Variants in HAUS3 observed in about 807,000 individuals in gnomAD.
HAUS3 encodes the protein HAUS augmin-like complex subunit 3.
Under a neutral mutation model 55.2 loss-of-function variants are expected in HAUS3, and 36 were observed. That is an observed-to-expected ratio of 0.65 (90% CI 0.50 to 0.86). HAUS3 has a LOEUF of 0.86. Ranked by LOEUF, HAUS3 falls within the 40% of genes least tolerant of loss-of-function variation. The pLI is 0.00. For missense variants in HAUS3, 752 were observed against 671.5 expected (o/e 1.12, Z -1.33); for synonymous variants, 234 against 238.6 (o/e 0.98, Z 0.18).
chr4:2,241,852 G>A (rs1261581584), intron 1 of HAUS3, 62 bp from the exon 2 acceptor site: 3 of 985,560 alleles, frequency 3.0e-6, no homozygotes, highest in Non-Finnish European at 3.6e-6. Context: ...AGAAGACGGG[G>A]GTGACAGGCC....
chr4:2,236,588 G>C, intron 4 of HAUS3, 132 bp from the exon 5 acceptor site: 1 of 656,206 alleles, frequency 1.5e-6, no homozygotes, highest in South Asian at 1.9e-5. Context: ...GCCGGGTACA[G>C]TAGCTCACGC....
intron 1 of HAUS3, 79 bp downstream of exon 1, chr4:2,241,972 A>C: frequency 2.0e-6 from 2 of 985,478 alleles, no homozygotes; most frequent in Non-Finnish European, 2.4e-6. Flanking sequence ...AAAAAGAGGC[A>C]CCTGGGTGCA....
rs144267327 is a variant in HAUS3, at chr4:2,232,537, C to T, written c.1579-377G>A. On this transcript the variant is annotated intron_variant, in intron 5 of 5. Transcript: ENST00000443786. Reference sequence around the variant, plus strand: ...TTATATTCTGCTTAATAAATCAAACCTTGTTTTAGCCTATTCTCTGTTTAT... The same window carrying T: ...TTATATTCTGCTTAATAAATCAAACTTTGTTTTAGCCTATTCTCTGTTTAT... Among the ~76,000 whole-genome samples, 222 of 152,250 alleles carry T rather than the reference C, an allele frequency of 1.5e-3. 1 individual carries two copies. The highest frequency in any genetic ancestry group is 5.2e-3 in the African/African-American group (216 of 41,558).
chr4:2,238,964 T>G lies in HAUS3; in HGVS notation c.989A>C (p.Gln330Pro). 6.3e-7 allele frequency: 1 copy of G among 1,590,660 alleles called. No homozygotes were observed. The highest frequency in any genetic ancestry group is 1.9e-5 in the Admixed American group (1 of 53,464). ...EIMKLEKEVTQIKDRSLPAVV... is the reference protein window; with the variant it reads ...EIMKLEKEVTPIKDRSLPAVV... The stretch of plus-strand genomic sequence containing the variant: ...AGCAGGTAAACTTCTGTCTTTTATT[T>G]GAGTGACCTCTTTTTCAAGTTTCAT... The change falls in exon 4 of 6, where the codon CAA becomes CCA. Residue 330 changes from glutamine to proline, a missense_variant. Transcript: ENST00000443786.
rs775012146 is a variant in HAUS3 at position 2,229,137 on chromosome 4, T to A, written c.*2790A>T. On this transcript the variant is annotated 3_prime_UTR_variant, in exon 6 of 6. Transcript: ENST00000443786. ...TCCCCAAGTCTTAGAATCCACTAAA[T>A]CACCTGAATGCATAGCAGACATAAT... The A allele has an allele frequency of 3.1e-6, 5 of 1,610,740 alleles. No individual in the cohort carries two copies. In the African/African-American group the frequency reaches 5.3e-5, roughly 17 times the overall value.
At chr4:2,239,222 G>A (rs1734882875) in intron 3 of HAUS3, among the ~76,000 whole-genome samples, 179 bp from the exon 4 acceptor site, 1 of 151,982 alleles carries the variant, frequency 6.6e-6, no homozygotes, top group Non-Finnish European at 1.5e-5. Context: ...CTAAGTCAAG[G>A]GTATGAATTA....
rs142928845 is a variant in HAUS3 at position 2,238,794 on chromosome 4, G to A, written c.1159C>T (p.Leu387=). 33 of 1,613,420 alleles carry A rather than the reference G, an allele frequency of 2.0e-5. No homozygotes were observed. The East Asian group carries it at 5.4e-4, about 26-fold the overall frequency. ...AATTCAATTTCATATGATAACTGTA[G>A]AAGTTCAAATGATGCCTTTTGTTTT... ...LIKQKASFEL[L]QLSYEIELRK... The change falls in exon 4 of 6, where the codon CTA becomes TTA. Residue 387 remains leucine, a synonymous_variant. Transcript: ENST00000443786.
chr4:2,237,683 T>C (rs930748812), intron 4 of HAUS3, among the ~76,000 whole-genome samples: 2 of 152,174 alleles, frequency 1.3e-5, no homozygotes, highest in Admixed American at 6.5e-5. Flanking sequence ...CCTACCTATA[T>C]TACAGGATTG....
rs1003875054 is a variant in HAUS3 at position 2,239,311 on chromosome 4, G to C, written c.910-268C>G. On this transcript the variant is annotated intron_variant, in intron 3 of 5. Coordinates refer to ENST00000443786, the MANE Select transcript of HAUS3 (RefSeq NM_001303143.2). ...GATCTTATTATACTTCTTTTAATCA[G>C]AATCATTATTAATAGGACACTATTC... Among the ~76,000 whole-genome samples the C allele has an allele frequency of 4.6e-5, 7 of 152,096 alleles. 1 individual carries two copies. The highest frequency in any genetic ancestry group is 3.9e-4 in the Admixed American group (6 of 15,268).
At chr4:2,232,924 A>G (rs6599419) in intron 5 of HAUS3, among the ~76,000 whole-genome samples, 38,911 of 151,992 alleles carry the variant, frequency 0.26, 8,044 homozygotes, top group African/African-American at 0.56. Flanking sequence ...TTCTAGGCAT[A>G]GTCCACAAGT....
chr4:2,236,157 A>G (rs772478302), intron 5 of HAUS3, 71 bp downstream of exon 5: 14 of 877,548 alleles, frequency 1.6e-5, no homozygotes, highest in Non-Finnish European at 2.3e-5. Flanking sequence ...TCATGTTAAC[A>G]TTTTCTTTAA....
intron 3 of HAUS3, among the ~76,000 whole-genome samples, chr4:2,239,418 C>T (rs547487710): frequency 6.6e-6 from 1 of 152,316 alleles, no homozygotes; most frequent in East Asian, 1.9e-4. Flanking sequence ...GATTTTAGCA[C>T]TTCTACGTAA....
intron 4 of HAUS3, among the ~76,000 whole-genome samples, chr4:2,237,373 T>C (rs1045583274): frequency 6.8e-6 from 1 of 146,306 alleles, no homozygotes; most frequent in Non-Finnish European, 1.5e-5. Context: ...GAGCTGGAGG[T>C]TGCAGTGAGC....
intron 5 of HAUS3, 108 bp from the exon 6 acceptor site, chr4:2,232,268 C>T (rs1035621423): frequency 3.8e-6 from 2 of 521,642 alleles, no homozygotes; most frequent in African/African-American, 4.0e-5. Context: ...TAATAACTTC[C>T]CGCAATTTTA....
In HAUS3 at chr4:2,240,660, T is replaced by A. The variant is rs1734950027; in HGVS notation, c.287A>T (p.Asp96Val). 6.2e-7 allele frequency: 1 copy of A among 1,613,986 alleles called. No individual in the cohort carries two copies. The highest frequency in any genetic ancestry group is 8.5e-7 in the Non-Finnish European group (1 of 1,179,988). ...ATCCTCTAATTTCTCCAGCTCTTTA[T>A]CATCCAGTCTAGGTGTCTTCAAATC... ...TSDLKTPRLD[D>V]KELEKLEDEV... Residue 96 changes from aspartate (D) to valine (V), a missense_variant, in exon 3 of 6, where the codon GAT becomes GTT. Transcript: ENST00000443786.
intron 1 of HAUS3, 110 bp from the exon 2 acceptor site, chr4:2,241,900 C>A (rs1208834344): frequency 2.7e-5 from 27 of 985,386 alleles, no homozygotes; most frequent in Non-Finnish European, 3.1e-5. Context: ...CCCAGCGGAC[C>A]GGGCCCTGAT....
chr4:2,239,999 T>C, intron 3 of HAUS3, 39 bp downstream of exon 3: 1 of 1,493,576 alleles, frequency 6.7e-7, no homozygotes, highest in African/African-American at 1.4e-5. Flanking sequence ...TTCCTAACAA[T>C]AATTACAATG....
At position 2,240,758 on chromosome 4, in the gene HAUS3, A is replaced by T. The variant is rs1424226585; in HGVS notation, c.189T>A (p.Ile63=). ...LSERELEAFS[I]LQKSGKPILE... ...GAATAGGCTTGCCTGATTTCTGAAG[A>T]ATGCTAAAAGCTTCCAATTCTCTTT... The change falls in exon 3 of 6, where the codon ATT becomes ATA. Residue 63 remains isoleucine (I), a synonymous_variant. Transcript: ENST00000443786. 6.2e-7 allele frequency: 1 copy of T among 1,613,994 alleles called. No individual in the cohort carries two copies. Among genetic ancestry groups the T allele is most frequent in the Non-Finnish European group, 8.5e-7 (1 of 1,179,996 alleles).
In HAUS3 at chr4:2,231,387, C is replaced by T. The variant is rs1159993079; in HGVS notation, c.*540G>A. The T allele has an allele frequency of 6.6e-6, 1 of 152,478 alleles. No homozygotes were observed. The highest frequency in any genetic ancestry group is 1.5e-5 in the Non-Finnish European group (1 of 68,312). The allele number at this position is 152,478 out of a possible 1,614,324, so 9.4% of individuals were successfully genotyped here. The stretch of plus-strand genomic sequence containing the variant: ...AGGCCGGGAGAGGGGATCAAGAGGT[C>T]AAGAGATTGAGACCATCCTGGCCAA... On this transcript the variant is annotated 3_prime_UTR_variant, in exon 6 of 6. Coordinates refer to ENST00000443786, the MANE Select transcript of HAUS3 (RefSeq NM_001303143.2).
Sources: allele counts gnomAD v4.1 joint callset (sites outside exome capture counted in the v4.1 genomes callset), GRCh38; gene constraint gnomAD v4.1.1; transcripts MANE v1.5; gene names NCBI Gene and HGNC (gene_info 2026-07-23, HGNC 2026-07-21).